The following CAV1 variants were observed in gnomAD, a reference collection of about 807,000 sequenced individuals.
CAV1 encodes the protein caveolin 1.
Under a neutral mutation model 16.5 loss-of-function variants are expected in CAV1, and 10 were observed. The observed-to-expected ratio is 0.61, with a 90% CI of 0.37 to 1.03. The LOEUF is 1.03. Among genes scored for constraint, CAV1 ranks in the 50% least tolerant of loss-of-function variants. CAV1 has a pLI of 0.01. For missense variants in CAV1, 212 were observed against 232.8 expected, an observed-to-expected ratio of 0.91 and a Z score of 0.58; for synonymous variants, 76 against 85.1, an observed-to-expected ratio of 0.89 and a Z score of 0.59.
intron 2 of CAV1, among the ~76,000 whole-genome samples, chr7:116,554,840 G>T (rs1319844839): frequency 1.3e-5 from 2 of 152,112 alleles, no homozygotes; most frequent in Non-Finnish European, 2.9e-5. Context: ...ATCTATCTGG[G>T]TGAAAACTAA....
intron 2 of CAV1, chr7:116,542,643 A>T (rs1793963656): frequency 6.6e-6 from 1 of 152,200 alleles, no homozygotes; most frequent in Non-Finnish European, 1.5e-5. Context: ...TCTTTCTTGC[A>T]CACTGCTTTA....
rs573418070 is a variant in CAV1 at position 116,534,493 on chromosome 7, G to A, written c.195+7804G>A. On this transcript the variant is annotated intron_variant, in intron 2 of 2. Transcript: ENST00000341049. ...CAGCTCACTGCAAGCTCCGTCTCCC[G>A]GGTTCACGCCATTCTCCTGCCTCAG... 3.6e-4 allele frequency among the ~76,000 whole-genome samples: 51 copies of A among 142,482 alleles called. 2 individuals are homozygous for A. In the South Asian group the frequency reaches 0.011, roughly 32 times the overall value. 93.5% of individuals were successfully genotyped at this position (142,482 alleles called of 152,430 possible).
At chr7:116,547,215 C>G (rs1466355903) in intron 2 of CAV1, among the ~76,000 whole-genome samples, 2 of 152,150 alleles carry the variant, frequency 1.3e-5, no homozygotes, top group Non-Finnish European at 2.9e-5. Flanking sequence ...GGGATTAGAA[C>G]TTCAACAGAG....
At chr7:116,534,495 G>A (rs1793767368) in intron 2 of CAV1, among the ~76,000 whole-genome samples, 1 of 143,772 alleles carries the variant, frequency 7.0e-6, no homozygotes, top group Admixed American at 7.1e-5. Flanking sequence ...CGTCTCCCGG[G>A]TTCACGCCAT....
intron 2 of CAV1, among the ~76,000 whole-genome samples, chr7:116,538,532 G>T (rs1485748373): frequency 6.6e-6 from 1 of 152,162 alleles, no homozygotes; most frequent in East Asian, 1.9e-4. Flanking sequence ...TCTCTTCCTT[G>T]CTTGTTCTTG....
At chr7:116,543,865 G>C (rs563479029) in intron 2 of CAV1, among the ~76,000 whole-genome samples, 99 of 152,234 alleles carry the variant, frequency 6.5e-4, no homozygotes, top group African/African-American at 2.3e-3. Flanking sequence ...GTGAGCAATA[G>C]GATCAGATGA....
rs1793898970 is a variant in CAV1 at position 116,539,732 on chromosome 7, GGCATCCAGA to G, written c.195+13044_195+13052del. Among the ~76,000 whole-genome samples the G allele has an allele frequency of 8.5e-5, 13 of 152,212 alleles. 1 individual carries two copies. Among genetic ancestry groups the G allele is most frequent in the South Asian group, 8.3e-4 (4 of 4,822 alleles). On this transcript the variant is annotated intron_variant, in intron 2 of 2. Transcript: ENST00000341049. ...CTAAACCTTCCAGTAAGCAAGCTGTGGCATCCAGATGATCTCCTGGGTCATGGGGGATAA... is the reference window on the plus strand; with the variant it reads ...CTAAACCTTCCAGTAAGCAAGCTGTGTGATCTCCTGGGTCATGGGGGATAA...
chr7:116,556,924 A>G (rs1280942333), intron 2 of CAV1, among the ~76,000 whole-genome samples: 2 of 152,212 alleles, frequency 1.3e-5, no homozygotes, highest in Non-Finnish European at 2.9e-5. Context: ...AAAAAATAAA[A>G]TTCTTTAGGT....
chr7:116,559,440 T>C lies in CAV1; in HGVS notation c.*153T>C. ...AGATCACTTTCTCAGTTTTCATAAG[T>C]ATTATGTCTCTTCTGAGCTATTTCA... On this transcript the variant is annotated 3_prime_UTR_variant, in exon 3 of 3. Coordinates refer to ENST00000341049, the MANE Select transcript of CAV1 (RefSeq NM_001753.5). 1 of 649,102 alleles carries C rather than the reference T, an allele frequency of 1.5e-6. No individual in the cohort carries two copies. Among genetic ancestry groups the C allele is most frequent in the South Asian group, 1.9e-5 (1 of 53,052 alleles). 40.2% of individuals were successfully genotyped at this position (649,102 alleles called of 1,614,324 possible).
In CAV1 at chr7:116,525,100, T is replaced by A. The variant is rs766217180; in HGVS notation, c.30+8T>A. The A allele has an allele frequency of 2.5e-6, 4 of 1,613,806 alleles. No individual in the cohort carries two copies. In the African/African-American group the frequency reaches 5.4e-5, roughly 22 times the overall value. ...AAATACGTAGACTCGGAGGTAGGCA[T>A]CCGTGGGGGGGCGCCGGCTCGGGCG... On this transcript the variant is annotated splice_region_variant and intron_variant, in intron 1 of 2. Coordinates refer to ENST00000341049, the MANE Select transcript of CAV1 (RefSeq NM_001753.5).
chr7:116,525,583 C>T, intron 1 of CAV1: 1 of 1,186,646 alleles, frequency 8.4e-7, no homozygotes, highest in Non-Finnish European at 1.1e-6. Flanking sequence ...TTCCAAAGTT[C>T]TTGAACCATC....
intron 2 of CAV1, among the ~76,000 whole-genome samples, chr7:116,531,899 G>T (rs1793693315): frequency 6.6e-6 from 1 of 152,102 alleles, no homozygotes; most frequent in Non-Finnish European, 1.5e-5. Context: ...ATCTTTAGTG[G>T]GAAATTGTTC....
chr7:116,555,478 G>GAAAA (rs1794245469), intron 2 of CAV1, among the ~76,000 whole-genome samples: 7 of 7,254 alleles, frequency 9.6e-4, no homozygotes, highest in African/African-American at 2.4e-3. Context: ...GAAGGAAGGA[G>GAAAA]GAAAGAAAAG....
In CAV1 at chr7:116,527,402, G is replaced by T. The variant is rs768190850; in HGVS notation, c.195+713G>T. ...AAGCTGCTTCTTTAGTAGCTACCTG[G>T]GTCAGCCTGCCCTGAGCTAATGGCA... On this transcript the variant is annotated intron_variant, in intron 2 of 2. Transcript: ENST00000341049. Among the ~76,000 whole-genome samples the T allele has an allele frequency of 6.8e-4, 104 of 152,142 alleles. 3 individuals are homozygous for T. Among genetic ancestry groups the T allele is most frequent in the Admixed American group, 4.6e-4 (7 of 15,282 alleles).
At chr7:116,556,369 C>T (rs1244649632) in intron 2 of CAV1, among the ~76,000 whole-genome samples, 3 of 152,056 alleles carry the variant, frequency 2.0e-5, no homozygotes, top group Non-Finnish European at 4.4e-5. Context: ...TTTTTATTAA[C>T]GTGCCTTTTA....
chr7:116,555,424 G>A (rs1794241227), intron 2 of CAV1, among the ~76,000 whole-genome samples: 1 of 140,346 alleles, frequency 7.1e-6, no homozygotes, highest in Non-Finnish European at 1.5e-5. Flanking sequence ...GGATGACAGA[G>A]CAAGAACCTG....
intron 2 of CAV1, among the ~76,000 whole-genome samples, chr7:116,550,810 A>T (rs1794144938): frequency 6.6e-6 from 1 of 152,236 alleles, no homozygotes; most frequent in African/African-American, 2.4e-5. Flanking sequence ...AATAATGACA[A>T]TAAATCAACA....
At chr7:116,557,037 C>G (rs993868096) in intron 2 of CAV1, among the ~76,000 whole-genome samples, 2 of 152,190 alleles carry the variant, frequency 1.3e-5, no homozygotes, top group Non-Finnish European at 2.9e-5. Flanking sequence ...ATAATTTGCA[C>G]AGAAACTTCA....
chr7:116,560,050 T>C lies in CAV1; in HGVS notation c.*763T>C, dbSNP rs180751055. 151 of 386,872 alleles carry C rather than the reference T, an allele frequency of 3.9e-4. No individual in the cohort carries two copies. The East Asian group carries it at 4.6e-3, about 12-fold the overall frequency. 24.0% of individuals were successfully genotyped at this position (386,872 alleles called of 1,614,324 possible). Reference sequence around the variant, plus strand: ...CAAAATTAGAATATCCATGACCTAGTTTTCCATGCGTGTTTCTGACTCTGA... The same window carrying C: ...CAAAATTAGAATATCCATGACCTAGCTTTCCATGCGTGTTTCTGACTCTGA... On this transcript the variant is annotated 3_prime_UTR_variant, in exon 3 of 3. Transcript: ENST00000341049.
Sources: gnomAD v4.1 joint callset for allele counts (sites outside exome capture counted in the v4.1 genomes callset) on GRCh38, gnomAD v4.1.1 for gene constraint, MANE v1.5 for transcripts, NCBI Gene and HGNC (gene_info 2026-07-23, HGNC 2026-07-21) for gene names.